ADAMTS19: variants seen among roughly 807,000 people sequenced by gnomAD.
ADAMTS19 encodes the protein ADAM metallopeptidase with thrombospondin type 1 motif 19.
In ADAMTS19, 93 loss-of-function variants were observed where a neutral mutation model predicts 153.3. The ratio of observed to expected loss-of-function variants is 0.61; its 90% CI spans 0.51 to 0.72. The LOEUF is 0.72. ADAMTS19 is among the 30% of genes least tolerant of loss of function. The pLI is 0.00. For synonymous variants in ADAMTS19, 600 were observed against 556.6 expected (o/e 1.08, Z -1.10); for missense variants, 1,482 against 1,552.1 (o/e 0.95, Z 0.76).
At chr5:129,560,664 C>T (rs977528524) in intron 7 of ADAMTS19, among the ~76,000 whole-genome samples, 2 of 152,190 alleles carry the variant, frequency 1.3e-5, no homozygotes, top group Admixed American at 6.5e-5. Context: ...AATTTTCTCA[C>T]TGCTGGAAGT....
intron 6 of ADAMTS19, among the ~76,000 whole-genome samples, chr5:129,531,787 G>A (rs1022795260): frequency 4.6e-5 from 7 of 152,006 alleles, no homozygotes; most frequent in African/African-American, 1.7e-4. Context: ...AGATAGTATG[G>A]TTTTGGCAGA....
chr5:129,631,417 C>G (rs1752285472), intron 10 of ADAMTS19, among the ~76,000 whole-genome samples: 2 of 151,786 alleles, frequency 1.3e-5, no homozygotes, highest in Admixed American at 1.3e-4. Flanking sequence ...TATGGATGTT[C>G]TAATAATTGC....
Position 129,641,877 on chromosome 5 carries a change from T to C in ADAMTS19, c.1789T>C (p.Leu597=). 1 of 1,599,274 alleles carries C rather than the reference T, an allele frequency of 6.3e-7. No homozygotes were observed. The highest frequency in any genetic ancestry group is 8.5e-7 in the Non-Finnish European group (1 of 1,170,824). ...TTTTCAGCATGTTATTTGCACAGGA[T>C]TATGGTGCAAGGTAGAAGGTGAGAA... ...QEMQHVICTG[L]WCKVEGEKEC... is the part of the protein sequence containing the mutation. Residue 597 remains leucine, a synonymous_variant, in exon 11 of 23, where the codon TTA becomes CTA. Coordinates refer to ENST00000274487, the MANE Select transcript of ADAMTS19 (RefSeq NM_133638.6).
intron 3 of ADAMTS19, among the ~76,000 whole-genome samples, chr5:129,524,578 A>G (rs757355166): frequency 6.6e-6 from 1 of 151,044 alleles, no homozygotes; most frequent in Non-Finnish European, 1.5e-5. Context: ...GCTAATATCC[A>G]GAATCTATAA....
chr5:129,536,262 G>C, intron 6 of ADAMTS19, among the ~76,000 whole-genome samples: 1 of 152,156 alleles, frequency 6.6e-6, no homozygotes, highest in Non-Finnish European at 1.5e-5. Context: ...TATATGAACA[G>C]ACACTTCTCA....
chr5:129,688,474 T>C (rs961651598), intron 18 of ADAMTS19, among the ~76,000 whole-genome samples: 4 of 151,892 alleles, frequency 2.6e-5, no homozygotes, highest in African/African-American at 9.7e-5. Flanking sequence ...ATCATAATTA[T>C]ATTTTACATC....
chr5:129,535,468 T>G (rs1752382151), intron 6 of ADAMTS19, among the ~76,000 whole-genome samples: 1 of 152,162 alleles, frequency 6.6e-6, no homozygotes, highest in Non-Finnish European at 1.5e-5. Flanking sequence ...ATCAGTATCC[T>G]GAAAATGGCC....
At chr5:129,477,938 C>T (rs575306528) in intron 2 of ADAMTS19, among the ~76,000 whole-genome samples, 9 of 152,048 alleles carry the variant, frequency 5.9e-5, no homozygotes, top group African/African-American at 2.2e-4. Context: ...TGCCTGTTTC[C>T]CCTTCTATTC....
intron 3 of ADAMTS19, among the ~76,000 whole-genome samples, chr5:129,510,694 G>T (rs1751412274): frequency 6.6e-6 from 1 of 151,928 alleles, no homozygotes; most frequent in South Asian, 2.1e-4. Context: ...TAATTGTTAA[G>T]TTCCAGCTGT....
chr5:129,701,593 G>A lies in ADAMTS19; in HGVS notation c.3159+1G>A. On this transcript the variant is annotated splice_donor_variant, in intron 20 of 22. Transcript: ENST00000274487. LOFTEE classifies it high-confidence loss of function. ...GTGGGAGGCGGGAGTGTGGTCTGAGGTGCATACATGCCCCCTTTCTTTCCC... is the reference window on the plus strand; with the variant it reads ...GTGGGAGGCGGGAGTGTGGTCTGAGATGCATACATGCCCCCTTTCTTTCCC... 1.9e-6 allele frequency: 3 copies of A among 1,613,936 alleles called. No homozygotes were observed. The highest frequency in any genetic ancestry group is 2.5e-6 in the Non-Finnish European group (3 of 1,179,886).
rs968986017 is a variant in ADAMTS19, at chr5:129,461,449, C to A, written c.439C>A (p.Gln147Lys). 15 of 1,439,114 alleles carry A rather than the reference C, an allele frequency of 1.0e-5. No individual in the cohort carries two copies. In the East Asian group the frequency reaches 3.5e-4, roughly 34 times the overall value. 89.1% of individuals were successfully genotyped at this position (1,439,114 alleles called of 1,614,324 possible). A position where few individuals can be genotyped will look rare whatever the true frequency, so the allele number is the denominator to read the frequency against. ...ALSPGAPASW[Q>K]PPPPPQPPPS... ...GTCCCCGGGCGCCCCGGCCTCGTGG[C>A]AGCCGCCGCCTCCCCCGCAGCCGCC... Residue 147 changes from glutamine to lysine, a missense_variant, in exon 2 of 23, where the codon CAG becomes AAG. By Grantham distance (53) the Gln-to-Lys change is moderately conservative. Coordinates refer to ENST00000274487, the MANE Select transcript of ADAMTS19 (RefSeq NM_133638.6). The surrounding 1 kb of genome is among the most constrained non-coding windows in gnomAD (Gnocchi z 4.6).
chr5:129,517,668 A>T (rs1291929697), intron 3 of ADAMTS19, among the ~76,000 whole-genome samples: 1 of 151,682 alleles, frequency 6.6e-6, no homozygotes, highest in Non-Finnish European at 1.5e-5. Context: ...TTCAGTCTAT[A>T]TGTCTCTTTA....
chr5:129,665,439 T>G (rs1222457452), intron 15 of ADAMTS19, 60 bp from the exon 16 acceptor site: 1 of 1,388,766 alleles, frequency 7.2e-7, no homozygotes, highest in Non-Finnish European at 9.8e-7. Context: ...GGCAAGTCAA[T>G]GAAGAAAAGA....
intron 7 of ADAMTS19, among the ~76,000 whole-genome samples, chr5:129,586,036 G>C (rs1209689144): frequency 6.6e-6 from 1 of 152,022 alleles, no homozygotes; most frequent in Admixed American, 6.6e-5. Context: ...AGCAGTCTTA[G>C]GTTCACAGCA....
chr5:129,532,397 G>A (rs1279441611), intron 6 of ADAMTS19, among the ~76,000 whole-genome samples: 1 of 152,080 alleles, frequency 6.6e-6, no homozygotes, highest in Admixed American at 6.6e-5. Context: ...TCAGGAAAAT[G>A]CAAATTAAAT....
At chr5:129,627,837 T>C (rs977738395) in intron 10 of ADAMTS19, among the ~76,000 whole-genome samples, 1 of 152,086 alleles carries the variant, frequency 6.6e-6, no homozygotes, top group Non-Finnish European at 1.5e-5. Context: ...TTATACACTG[T>C]TAATGGGAGT....
chr5:129,535,545 G>T (rs1277137283), intron 6 of ADAMTS19, among the ~76,000 whole-genome samples: 1 of 152,092 alleles, frequency 6.6e-6, no homozygotes, highest in Non-Finnish European at 1.5e-5. Flanking sequence ...TTTCTTCACA[G>T]AATTGGAAAA....
intron 21 of ADAMTS19, among the ~76,000 whole-genome samples, chr5:129,714,597 A>G (rs73233686): frequency 6.6e-6 from 1 of 152,096 alleles, no homozygotes; most frequent in African/African-American, 2.4e-5. Flanking sequence ...GGGGGCAACC[A>G]GAAAGCTCCA....
chr5:129,587,718 C>T (rs1469285981), intron 7 of ADAMTS19, among the ~76,000 whole-genome samples: 1 of 152,116 alleles, frequency 6.6e-6, no homozygotes, highest in Non-Finnish European at 1.5e-5. Context: ...TCTCAATTCT[C>T]CAGTTTTGTT....
Sources: allele counts gnomAD v4.1 joint callset (sites outside exome capture counted in the v4.1 genomes callset), GRCh38; gene constraint gnomAD v4.1.1; non-coding constraint Gnocchi (gnomAD v3.1); transcripts MANE v1.5; gene names NCBI Gene and HGNC (gene_info 2026-07-23, HGNC 2026-07-21).